The following SORT1 variants were observed in gnomAD, a reference collection of about 807,000 sequenced individuals.
SORT1 encodes sortilin.
Under a neutral mutation model 101.7 loss-of-function variants are expected in SORT1, and 39 were observed. That is an observed-to-expected ratio of 0.38 (90% CI 0.30 to 0.50). The LOEUF (loss-of-function observed/expected upper bound fraction) is 0.50. Ranked by LOEUF, SORT1 falls within the 20% of genes least tolerant of loss-of-function variation. The pLI, the probability that SORT1 is intolerant of heterozygous loss-of-function variation, is 0.90. For synonymous variants in SORT1, 396 were observed against 393.7 expected, an observed-to-expected ratio of 1.01 and a Z score of -0.07; for missense variants, 878 against 1,040.4, an observed-to-expected ratio of 0.84 and a Z score of 2.15.
chr1:109,326,414 T>A (rs537650229), intron 13 of SORT1, among the ~76,000 whole-genome samples: 111 of 131,736 alleles, frequency 8.4e-4, no homozygotes, highest in African/African-American at 3.1e-3. Flanking sequence ...CATAATAATT[T>A]TGTAGACAGA....
intron 1 of SORT1, among the ~76,000 whole-genome samples, chr1:109,389,286 C>T (rs10745354): frequency 0.65 from 98,478 of 152,120 alleles, 33,745 homozygotes; most frequent in East Asian, 0.96. Context: ...TTTTATGTGA[C>T]GGGAAACTGA....
intron 13 of SORT1, 79 bp downstream of exon 13, chr1:109,326,913 C>T (rs1648116689): frequency 9.1e-7 from 1 of 1,102,368 alleles, no homozygotes; most frequent in East Asian, 2.7e-5. Flanking sequence ...TAGTCTGTAA[C>T]ATCCCCCCAA....
chr1:109,317,154 T>C (rs570898329), intron 16 of SORT1, among the ~76,000 whole-genome samples, 196 bp from the exon 17 acceptor site: 8 of 152,238 alleles, frequency 5.3e-5, no homozygotes. Context: ...AAACTAAGCA[T>C]CTCTGTCCCC....
chr1:109,397,252 T>C (rs1040031545), intron 1 of SORT1: 11 of 152,468 alleles, frequency 7.2e-5, no homozygotes, highest in African/African-American at 2.7e-4. Flanking sequence ...CAAGAGTTAA[T>C]TACTCCTTCA....
chr1:109,370,078 G>C (rs906208819), intron 1 of SORT1, among the ~76,000 whole-genome samples: 3 of 151,822 alleles, frequency 2.0e-5, no homozygotes, highest in Non-Finnish European at 2.9e-5. Flanking sequence ...AATGACAACG[G>C]GCAGAAGCAA....
chr1:109,362,913 T>C (rs890701805), intron 3 of SORT1, among the ~76,000 whole-genome samples: 2 of 152,134 alleles, frequency 1.3e-5, no homozygotes, highest in Non-Finnish European at 2.9e-5. Context: ...GAACTGAGCA[T>C]ATCATTAAAA....
Position 109,316,886 on chromosome 1 carries a change from CT to C in SORT1, c.2213del (p.Lys738ArgfsTer8). Reference protein sequence around the residue: ...NPVREVKDLKKKCTSNFLSPE... With the variant: ...NPVREVKDLKXKCTSNFLSPE... ...GACTCAAAAAGTTGCTTGTGCATTT[CT>C]TTTTCAAGTCTTTTACTTCTCGAAC... On this transcript the variant is annotated frameshift_variant, in exon 17 of 20. Coordinates refer to ENST00000256637, the MANE Select transcript of SORT1 (RefSeq NM_002959.7). LOFTEE classifies it high-confidence loss of function. 6.2e-7 allele frequency: 1 copy of C among 1,611,948 alleles called. No homozygotes were observed. Among genetic ancestry groups the C allele is most frequent in the South Asian group, 1.1e-5 (1 of 90,562 alleles).
intron 13 of SORT1, among the ~76,000 whole-genome samples, chr1:109,325,446 G>C (rs1647940215): frequency 6.6e-6 from 1 of 151,416 alleles, no homozygotes; most frequent in Non-Finnish European, 1.5e-5. Flanking sequence ...TCACATGTTG[G>C]GCAGGCTGGT....
rs772088629 is a variant in SORT1 at position 109,314,027 on chromosome 1, C to T, written c.*16G>A. ...GTGGTTCCACCATCCATGCTGGGTC[C>T]AGCTCCTCTGAAGAGCTATTCCAAG... On this transcript the variant is annotated 3_prime_UTR_variant, in exon 20 of 20. Transcript: ENST00000256637. 1.4e-5 allele frequency: 22 copies of T among 1,613,538 alleles called. No homozygotes were observed. In the Admixed American group the frequency reaches 3.5e-4, roughly 26 times the overall value.
chr1:109,313,935 A>C lies in SORT1; in HGVS notation c.*108T>G. Reference sequence around the variant, plus strand: ...GCTTTGATGGAAGCAGCAGAAACAGAGCTGGGTCCCTCGCAATGGGAAATT... The same window carrying C: ...GCTTTGATGGAAGCAGCAGAAACAGCGCTGGGTCCCTCGCAATGGGAAATT... On this transcript the variant is annotated 3_prime_UTR_variant, in exon 20 of 20. Coordinates refer to ENST00000256637, the MANE Select transcript of SORT1 (RefSeq NM_002959.7). 1 of 1,098,028 alleles carries C rather than the reference A, an allele frequency of 9.1e-7. No homozygotes were observed. The highest frequency in any genetic ancestry group is 1.4e-6 in the Non-Finnish European group (1 of 729,492). The allele number at this position is 1,098,028 out of a possible 1,614,324, so 68.0% of individuals were successfully genotyped here.
intron 1 of SORT1, among the ~76,000 whole-genome samples, chr1:109,374,917 C>T (rs1259088534): frequency 1.3e-5 from 2 of 152,160 alleles, no homozygotes; most frequent in Non-Finnish European, 2.9e-5. Context: ...CAAGATTGCA[C>T]GACTGAACTC....
chr1:109,325,231 CTTTTTTTTTT>C, intron 13 of SORT1, 142 bp from the exon 14 acceptor site: 3 of 190,352 alleles, frequency 1.6e-5, no homozygotes, highest in African/African-American at 3.7e-5. Flanking sequence ...ATTATTTTAA[CTTTTTTTTTT>C]TTTTTTTTTT....
Position 109,340,804 on chromosome 1 carries a change from T to C in SORT1, c.1184A>G (p.Tyr395Cys). ...GTCCGTCTCTCCGCCTGTGGTAGTG[T>C]AGAGATGTCGGTCCAAAGACTTGGA... Reference protein sequence around the residue: ...VYSKSLDRHLYTTTGGETDFT... With the variant: ...VYSKSLDRHLCTTTGGETDFT... Residue 395 changes from tyrosine (Y) to cysteine (C), a missense_variant, in exon 10 of 20, where the codon TAC becomes TGC. Transcript: ENST00000256637. The C allele has an allele frequency of 2.5e-6, 4 of 1,613,888 alleles. No individual in the cohort carries two copies. The highest frequency in any genetic ancestry group is 2.7e-5 in the African/African-American group (2 of 74,966).
chr1:109,397,625 G>C lies in SORT1; in HGVS notation c.268C>G (p.Arg90Gly), dbSNP rs1341622055. 1.6e-6 allele frequency: 2 copies of C among 1,285,798 alleles called. No homozygotes were observed. The highest frequency in any genetic ancestry group is 3.2e-5 in the Admixed American group (1 of 31,688). 79.6% of individuals were successfully genotyped at this position (1,285,798 alleles called of 1,614,324 possible). A position where few individuals can be genotyped will look rare whatever the true frequency, so the allele number is the denominator to read the frequency against. Reference protein sequence around the residue: ...PGEDEECGRVRDFVAKLANNT... With the variant: ...PGEDEECGRVGDFVAKLANNT... ...TTGGCCAGCTTGGCGACGAAGTCCC[G>C]GACCCGGCCGCACTCCTCGTCCTCG... The change falls in exon 1 of 20, where the codon CGG (arginine) becomes GGG (glycine). Residue 90 changes from arginine to glycine, a missense_variant. By Grantham distance (125) the Arg-to-Gly change is moderately radical. This residue lies in a region of SORT1 where 194 missense variants were observed against 145.9 expected (regional missense o/e 1.33). Transcript: ENST00000256637.
At chr1:109,382,428 G>A (rs1022558171) in intron 1 of SORT1, among the ~76,000 whole-genome samples, 2 of 152,136 alleles carry the variant, frequency 1.3e-5, no homozygotes, top group African/African-American at 4.8e-5. Context: ...GAACCACCAC[G>A]CCTGGACGCA....
chr1:109,336,665 C>T (rs112103802), intron 10 of SORT1, among the ~76,000 whole-genome samples: 89 of 151,996 alleles, frequency 5.9e-4, no homozygotes, highest in African/African-American at 2.0e-3. Flanking sequence ...AAAAATTAGC[C>T]GGGTGTGGTG....
At chr1:109,396,801 T>C (rs572905798) in intron 1 of SORT1, among the ~76,000 whole-genome samples, 4 of 152,282 alleles carry the variant, frequency 2.6e-5, no homozygotes, top group East Asian at 3.9e-4. Context: ...TTTAGAGAAA[T>C]AGGAGAAAGA....
intron 11 of SORT1, among the ~76,000 whole-genome samples, chr1:109,333,743 A>G (rs1245489445): frequency 1.3e-5 from 2 of 152,256 alleles, no homozygotes; most frequent in African/African-American, 2.4e-5. Context: ...AAAGAGATAA[A>G]AGGTAAGTAT....
intron 8 of SORT1, among the ~76,000 whole-genome samples, chr1:109,344,235 C>T (rs528207209): frequency 9.2e-5 from 14 of 152,326 alleles, no homozygotes; most frequent in Non-Finnish European, 1.3e-4. Flanking sequence ...CCGGCGCTCC[C>T]GCTGCTTCTG....
Sources: allele counts gnomAD v4.1 joint callset (sites outside exome capture counted in the v4.1 genomes callset), GRCh38; gene constraint gnomAD v4.1.1; regional missense constraint gnomAD v4.1.1; transcripts MANE v1.5; gene names NCBI Gene and HGNC (gene_info 2026-07-23, HGNC 2026-07-21).